The following PEAK1 variants were observed in gnomAD, a reference collection of about 807,000 sequenced individuals.
PEAK1 encodes pseudopodium enriched atypical kinase 1, also known as inactive tyrosine-protein kinase PEAK1.
In PEAK1, 54 loss-of-function variants were observed where a neutral mutation model predicts 124.7. The observed-to-expected ratio is 0.43, with a 90% confidence interval of 0.35 to 0.54. The LOEUF (loss-of-function observed/expected upper bound fraction) is 0.54. Among genes scored for constraint, PEAK1 ranks in the 20% least tolerant of loss-of-function variants. The pLI is 0.01. For missense variants in PEAK1, 2,046 were observed against 2,134.5 expected (o/e 0.96, Z 0.82); for synonymous variants, 719 against 760.0 (o/e 0.95, Z 0.89).
intron 1 of PEAK1, chr15:77,419,197 G>A (rs972421648): frequency 1.0e-6 from 1 of 985,150 alleles, no homozygotes; most frequent in African/African-American, 1.7e-5. Flanking sequence ...ACAGGCCAGA[G>A]GCAGGCGGGG....
chr15:77,279,751 G>A (rs2062558486), intron 5 of PEAK1, among the ~76,000 whole-genome samples: 1 of 152,192 alleles, frequency 6.6e-6, no homozygotes, highest in South Asian at 2.1e-4. Context: ...GTTGTTGTAT[G>A]CTGTTAATGA....
chr15:77,180,036 T>C lies in PEAK1; in HGVS notation c.1891A>G (p.Asn631Asp). 6.2e-7 allele frequency: 1 copy of C among 1,614,066 alleles called. No individual in the cohort carries two copies. Among genetic ancestry groups the C allele is most frequent in the Non-Finnish European group, 8.5e-7 (1 of 1,179,912 alleles). The change falls in exon 7 of 10, where the codon AAT becomes GAT. Residue 631 changes from asparagine to aspartate, a missense_variant. Physicochemically the swap from Asn to Asp is conservative, Grantham distance 23. Coordinates refer to ENST00000682557, the MANE Select transcript of PEAK1 (RefSeq NM_001385026.1). ...KNAIKVPIVI[N>D]PNAYDNLAIY... Reference sequence around the variant, plus strand: ...GCTAGATTGTCATATGCATTTGGATTGATAACAATGGGAACTTTGATAGCA... The same window carrying C: ...GCTAGATTGTCATATGCATTTGGATCGATAACAATGGGAACTTTGATAGCA...
chr15:77,253,874 A>G (rs1414351822), intron 5 of PEAK1, among the ~76,000 whole-genome samples: 8 of 152,170 alleles, frequency 5.3e-5, no homozygotes, highest in African/African-American at 1.9e-4. Flanking sequence ...CCCAGGCTCA[A>G]GTGCCACGAT....
chr15:77,332,098 T>C, intron 2 of PEAK1: 3 of 730,428 alleles, frequency 4.1e-6, no homozygotes, highest in Non-Finnish European at 5.0e-6. Context: ...CATTCCAGCC[T>C]GGGTGACACA....
intron 7 of PEAK1, among the ~76,000 whole-genome samples, chr15:77,160,130 G>C (rs1345078859): frequency 6.6e-6 from 1 of 151,956 alleles, no homozygotes; most frequent in Admixed American, 6.6e-5. Flanking sequence ...ACCCAAAAGA[G>C]GGGCTCCACA....
intron 2 of PEAK1, among the ~76,000 whole-genome samples, chr15:77,330,502 G>A (rs2065830656): frequency 1.3e-5 from 2 of 152,054 alleles, no homozygotes; most frequent in Admixed American, 6.6e-5. Context: ...GGTCCTACAA[G>A]GTCCTCCATT....
chr15:77,379,082 T>C (rs566213983), intron 1 of PEAK1, among the ~76,000 whole-genome samples: 1 of 152,318 alleles, frequency 6.6e-6, no homozygotes, highest in South Asian at 2.1e-4. Flanking sequence ...GGATTACAAG[T>C]TATATTGGTA....
chr15:77,272,332 T>G (rs2062080257), intron 5 of PEAK1, among the ~76,000 whole-genome samples: 1 of 152,042 alleles, frequency 6.6e-6, no homozygotes, highest in Non-Finnish European at 1.5e-5. Context: ...AGCTGGTTCT[T>G]TGAAAAGATA....
intron 5 of PEAK1, among the ~76,000 whole-genome samples, chr15:77,265,822 C>A (rs1001287760): frequency 6.6e-6 from 1 of 151,966 alleles, no homozygotes; most frequent in East Asian, 1.9e-4. Context: ...TTTATTGTGG[C>A]ACTATTCACA....
chr15:77,223,447 T>C (rs566371837), intron 6 of PEAK1, among the ~76,000 whole-genome samples: 5 of 152,140 alleles, frequency 3.3e-5, no homozygotes, highest in African/African-American at 1.2e-4. Context: ...GCTGTCTTCA[T>C]CAAAATTCAA....
Position 77,114,663 on chromosome 15 carries a change from G to A in PEAK1, c.4734C>T (p.Ala1578=). 1 of 1,613,762 alleles carries A rather than the reference G, an allele frequency of 6.2e-7. No individual in the cohort carries two copies. Among genetic ancestry groups the A allele is most frequent in the Non-Finnish European group, 8.5e-7 (1 of 1,179,964 alleles). Residue 1578 remains alanine (A), a synonymous_variant, in exon 10 of 10, where the codon GCC becomes GCT. Transcript: ENST00000682557. ...PEILRDQSRL[A]PEIITATQYK... is the part of the protein sequence containing the mutation. ...ACTGGGTAGCTGTTATGATCTCTGGGGCAAGGCGAGACTGGTCCCGGAGGA... is the reference window on the plus strand; with the variant it reads ...ACTGGGTAGCTGTTATGATCTCTGGAGCAAGGCGAGACTGGTCCCGGAGGA...
chr15:77,310,675 T>C lies in PEAK1; in HGVS notation c.-602-24171A>G, dbSNP rs73461015. ...CAATGTTGAAAATTAAATGCAACTA[T>C]GTGCTTGTCAGCTTGCTCTACTATA... On this transcript the variant is annotated intron_variant, in intron 2 of 9. Transcript: ENST00000682557. Among the ~76,000 whole-genome samples the C allele has an allele frequency of 3.0e-3, 464 of 152,326 alleles. 1 individual carries two copies. The highest frequency in any genetic ancestry group is 0.011 in the African/African-American group (450 of 41,580).
intron 5 of PEAK1, among the ~76,000 whole-genome samples, chr15:77,263,657 G>A (rs1300211667): frequency 6.6e-6 from 1 of 152,156 alleles, no homozygotes; most frequent in Non-Finnish European, 1.5e-5. Flanking sequence ...TGGATTCACA[G>A]CCGAATTCTA....
At chr15:77,246,758 G>A (rs190967454) in intron 6 of PEAK1, among the ~76,000 whole-genome samples, 185 of 152,206 alleles carry the variant, frequency 1.2e-3, no homozygotes, top group East Asian at 3.1e-3. Flanking sequence ...GGTGGCTCAC[G>A]CCTGCAATCC....
intron 1 of PEAK1, among the ~76,000 whole-genome samples, chr15:77,385,577 T>G (rs2069857831): frequency 6.6e-6 from 1 of 152,176 alleles, no homozygotes; most frequent in Non-Finnish European, 1.5e-5. Flanking sequence ...GAGTCTTTTT[T>G]CTAACCCAGC....
At chr15:77,248,452 T>C (rs1262420119) in intron 6 of PEAK1, among the ~76,000 whole-genome samples, 1 of 152,252 alleles carries the variant, frequency 6.6e-6, no homozygotes, top group African/African-American at 2.4e-5. Context: ...ATCCCCAATG[T>C]GTTGTCATTT....
At chr15:77,337,523 T>C in intron 2 of PEAK1, 1 of 985,056 alleles carries the variant, frequency 1.0e-6, no homozygotes, top group African/African-American at 1.7e-5. Context: ...GAACACAAAA[T>C]ACCAAACAGA....
intron 2 of PEAK1, among the ~76,000 whole-genome samples, chr15:77,362,748 A>G (rs1004137676): frequency 2.0e-5 from 3 of 152,234 alleles, no homozygotes; most frequent in Non-Finnish European, 4.4e-5. Flanking sequence ...ATAGCCAAAA[A>G]AGTGGAAACA....
chr15:77,234,812 A>AT lies in PEAK1; in HGVS notation c.-115+17554_-115+17555insA, dbSNP rs202041356. On this transcript the variant is annotated intron_variant, in intron 6 of 9. Transcript: ENST00000682557. ...CACCATGTCCAGCTAATTAAAAAAA[A>AT]ATATATATATTTTTTTGAGACAGGG... 3.2e-3 allele frequency among the ~76,000 whole-genome samples: 487 copies of AT among 151,936 alleles called. 4 individuals carry two copies. Among genetic ancestry groups the AT allele is most frequent in the East Asian group, 0.028 (144 of 5,160 alleles).
Sources: gnomAD v4.1 joint callset for allele counts (sites outside exome capture counted in the v4.1 genomes callset) on GRCh38, gnomAD v4.1.1 for gene constraint, MANE v1.5 for transcripts, NCBI Gene and HGNC (gene_info 2026-07-23, HGNC 2026-07-21) for gene names.